THSD7B: variants seen among roughly 807,000 people sequenced by gnomAD.
THSD7B encodes thrombospondin type 1 domain containing 7B.
Under a neutral mutation model 213.6 loss-of-function variants are expected in THSD7B, and 138 were observed. That is an observed-to-expected ratio of 0.65 (90% CI 0.56 to 0.74). THSD7B has a LOEUF of 0.74. THSD7B is among the 30% of genes least tolerant of loss of function. The pLI is 0.00. For missense variants in THSD7B, 1,931 were observed against 1,991.5 expected, an observed-to-expected ratio of 0.97 and a Z score of 0.58; for synonymous variants, 742 against 687.0, an observed-to-expected ratio of 1.08 and a Z score of -1.25.
Position 137,115,171 on chromosome 2 carries a change from T to G in THSD7B, c.1247T>G (p.Leu416Arg), listed in dbSNP as rs1688423132. 5.0e-6 allele frequency: 8 copies of G among 1,613,842 alleles called. No homozygotes were observed. The South Asian group carries it at 8.8e-5, about 18-fold the overall frequency. ...SEWKECQVSL[L>R]LEQQDPHWHV... ...TGGAAAGAATGCCAAGTCTCTCTCC[T>G]CCTCGAGCAGCAGGATCCCCACTGG... The change falls in exon 5 of 28, where the codon CTC becomes CGC. Residue 416 changes from leucine to arginine, a missense_variant. Physicochemically the swap from Leu to Arg is moderately radical, Grantham distance 102. Transcript: ENST00000409968.
intron 14 of THSD7B, among the ~76,000 whole-genome samples, chr2:137,419,578 G>A (rs1180507247): frequency 6.6e-6 from 1 of 151,548 alleles, no homozygotes; most frequent in African/African-American, 2.4e-5. Context: ...GTACTGATTG[G>A]TTTGAGTATG....
chr2:136,898,941 G>A (rs1684014472), intron 2 of THSD7B, among the ~76,000 whole-genome samples: 1 of 152,082 alleles, frequency 6.6e-6, no homozygotes, highest in Non-Finnish European at 1.5e-5. Context: ...GTGCCCGACT[G>A]GGAACTGGGA....
intron 2 of THSD7B, among the ~76,000 whole-genome samples, chr2:137,008,084 G>A (rs1391942701): frequency 6.6e-6 from 1 of 151,980 alleles, no homozygotes; most frequent in Non-Finnish European, 1.5e-5. Context: ...TACTAGCAAA[G>A]ACATGAAAAA....
At chr2:137,018,372 G>C (rs943743032) in intron 2 of THSD7B, among the ~76,000 whole-genome samples, 1 of 152,088 alleles carries the variant, frequency 6.6e-6, no homozygotes, top group Non-Finnish European at 1.5e-5. Flanking sequence ...AAATAACAAA[G>C]ATGTTAGCAG....
At chr2:137,091,728 C>A (rs1265861835) in intron 3 of THSD7B, among the ~76,000 whole-genome samples, 2 of 152,084 alleles carry the variant, frequency 1.3e-5, no homozygotes, top group Non-Finnish European at 2.9e-5. Flanking sequence ...AAGGCCTACC[C>A]TATGCTTTAT....
chr2:137,578,725 A>G (rs1681513883), intron 17 of THSD7B, among the ~76,000 whole-genome samples: 2 of 152,202 alleles, frequency 1.3e-5, no homozygotes, highest in African/African-American at 2.4e-5. Context: ...TATTGGCTAG[A>G]GAGGGGAAAT....
chr2:137,330,690 G>A (rs1684481835), intron 12 of THSD7B, among the ~76,000 whole-genome samples: 2 of 152,114 alleles, frequency 1.3e-5, no homozygotes, highest in Non-Finnish European at 2.9e-5. Flanking sequence ...GACTTTTGAG[G>A]TGAGTGTTAC....
At chr2:137,672,601 ATCTAAT>A (rs1217421202) in intron 27 of THSD7B, among the ~76,000 whole-genome samples, 1 of 152,240 alleles carries the variant, frequency 6.6e-6, no homozygotes, top group Non-Finnish European at 1.5e-5. Flanking sequence ...TTTTCACAGC[ATCTAAT>A]TCTATTAAAT....
chr2:136,798,454 T>G (rs985264859), intron 1 of THSD7B, among the ~76,000 whole-genome samples: 6 of 151,820 alleles, frequency 4.0e-5, no homozygotes, highest in African/African-American at 1.5e-4. Flanking sequence ...ATCTCAGTAT[T>G]CCTTAAAGGA....
chr2:137,559,111 A>C (rs1489771653), intron 15 of THSD7B, among the ~76,000 whole-genome samples: 1 of 152,228 alleles, frequency 6.6e-6, no homozygotes, highest in Non-Finnish European at 1.5e-5. Flanking sequence ...GATAGGAAGA[A>C]TCAATATCGT....
chr2:137,078,605 A>T (rs1687680477), intron 3 of THSD7B, among the ~76,000 whole-genome samples: 1 of 151,714 alleles, frequency 6.6e-6, no homozygotes, highest in African/African-American at 2.4e-5. Context: ...TACCTCATTA[A>T]TTTCTGCATT....
At chr2:137,247,867 C>A (rs1169573953) in intron 10 of THSD7B, among the ~76,000 whole-genome samples, 2 of 152,122 alleles carry the variant, frequency 1.3e-5, no homozygotes, top group African/African-American at 2.4e-5. Context: ...ATACAAATTA[C>A]TTTAAACTTG....
chr2:136,837,674 T>C (rs1198712106), intron 1 of THSD7B, among the ~76,000 whole-genome samples: 1 of 152,236 alleles, frequency 6.6e-6, no homozygotes, highest in East Asian at 1.9e-4. Flanking sequence ...TGTGTGTTAT[T>C]CATCACTGTC....
intron 7 of THSD7B, among the ~76,000 whole-genome samples, chr2:137,223,629 A>G (rs1181385644): frequency 6.6e-6 from 1 of 152,166 alleles, no homozygotes; most frequent in East Asian, 1.9e-4. Context: ...CATTTTAGTT[A>G]TAGTAATTTT....
chr2:137,386,999 C>T (rs564153564), intron 12 of THSD7B, among the ~76,000 whole-genome samples: 2 of 152,242 alleles, frequency 1.3e-5, no homozygotes, highest in Admixed American at 6.5e-5. Flanking sequence ...TTTCATGCTG[C>T]TAGAATTGAA....
chr2:137,647,547 G>A (rs920650930), intron 21 of THSD7B, among the ~76,000 whole-genome samples: 4 of 150,226 alleles, frequency 2.7e-5, no homozygotes, highest in African/African-American at 4.9e-5. Flanking sequence ...CATAGCAGCA[G>A]CAATAGTCAC....
At chr2:137,655,770 CT>C in intron 22 of THSD7B, 110 bp downstream of exon 22, 1 of 1,278,976 alleles carries the variant, frequency 7.8e-7, no homozygotes, top group Non-Finnish European at 1.0e-6. Context: ...TTTTAAATAA[CT>C]TTAATTCATT....
intron 2 of THSD7B, among the ~76,000 whole-genome samples, chr2:137,008,107 C>CA (rs201865085): frequency 2.6e-5 from 4 of 151,452 alleles, no homozygotes; most frequent in East Asian, 1.9e-4. Flanking sequence ...GTTGTATAAT[C>CA]AAAAAAAAGA....
At chr2:137,130,355 A>G (rs191486485) in intron 5 of THSD7B, among the ~76,000 whole-genome samples, 147 of 152,096 alleles carry the variant, frequency 9.7e-4, no homozygotes, top group African/African-American at 3.3e-3. Context: ...TAAAATCCTT[A>G]CTTTTCCCAA....
Sources: allele counts gnomAD v4.1 joint callset (sites outside exome capture counted in the v4.1 genomes callset), GRCh38; gene constraint gnomAD v4.1.1; transcripts MANE v1.5; gene names NCBI Gene and HGNC (gene_info 2026-07-23, HGNC 2026-07-21).